Variants in KIAA1549L observed in about 807,000 individuals in gnomAD.
KIAA1549L encodes the protein UPF0606 protein KIAA1549L.
Under a neutral mutation model 160.7 loss-of-function variants are expected in KIAA1549L, and 88 were observed. That is an observed-to-expected ratio of 0.55 (90% CI 0.46 to 0.65). KIAA1549L has a LOEUF of 0.65. Ranked by LOEUF, KIAA1549L falls within the 30% of genes least tolerant of loss-of-function variation. The pLI, the probability that KIAA1549L is intolerant of heterozygous loss-of-function variation, is 0.00. For synonymous variants in KIAA1549L, 950 were observed against 976.7 expected, an observed-to-expected ratio of 0.97 and a Z score of 0.51; for missense variants, 2,258 against 2,437.5, an observed-to-expected ratio of 0.93 and a Z score of 1.55.
chr11:33,450,147 A>G (rs1158513379), intron 1 of KIAA1549L, among the ~76,000 whole-genome samples: 1 of 152,220 alleles, frequency 6.6e-6, no homozygotes, highest in Non-Finnish European at 1.5e-5. Flanking sequence ...AACCTCAAAT[A>G]CTTCTTTATC....
rs957681258 is a variant in KIAA1549L, at chr11:33,544,024, T to C, written c.2461T>C (p.Tyr821His). ...RDFQTAEVAY[Y>H]SPTTRHSVSH... The stretch of plus-strand genomic sequence containing the variant: ...CTTCCAAACAGCTGAAGTTGCATAT[T>C]ACTCACCCACAACTCGACATTCCGT... Residue 821 changes from tyrosine (Y) to histidine (H), a missense_variant, in exon 2 of 21, where the codon TAC (tyrosine) becomes CAC (histidine). Around this residue, in one of 6 missense-constraint regions of KIAA1549L, gnomAD observed 287 missense variants for 292.3 expected, o/e 0.98. Coordinates refer to ENST00000658780, the MANE Select transcript of KIAA1549L (RefSeq NM_012194.3). 5 of 1,613,878 alleles carry C rather than the reference T, an allele frequency of 3.1e-6. No homozygotes were observed. The South Asian group carries it at 4.4e-5, about 14-fold the overall frequency.
At chr11:33,428,312 T>C (rs75202859) in intron 1 of KIAA1549L, among the ~76,000 whole-genome samples, 1 of 152,028 alleles carries the variant, frequency 6.6e-6, no homozygotes, top group Non-Finnish European at 1.5e-5. Flanking sequence ...CCTGTTTTTT[T>C]AAAAATTATA....
Position 33,543,081 on chromosome 11 carries a change from T to A in KIAA1549L, c.1518T>A (p.Thr506=), listed in dbSNP as rs1854086559. 1 of 1,613,828 alleles carries A rather than the reference T, an allele frequency of 6.2e-7. No individual in the cohort carries two copies. The highest frequency in any genetic ancestry group is 1.1e-5 in the South Asian group (1 of 91,096). The change falls in exon 2 of 21, where the codon ACT becomes ACA. Residue 506 remains threonine, a synonymous_variant. Coordinates refer to ENST00000658780, the MANE Select transcript of KIAA1549L (RefSeq NM_012194.3). ...TGTADFPSIL[T]FLQPTENHAS... The stretch of plus-strand genomic sequence containing the variant: ...CAGCCGACTTTCCCTCCATACTTAC[T>A]TTCCTCCAGCCCACAGAGAATCATG...
intron 15 of KIAA1549L, among the ~76,000 whole-genome samples, chr11:33,610,295 A>C (rs957067013): frequency 6.6e-6 from 1 of 152,224 alleles, no homozygotes; most frequent in Non-Finnish European, 1.5e-5. Context: ...AGATCAAGGG[A>C]CATTGTATTG....
intron 1 of KIAA1549L, among the ~76,000 whole-genome samples, chr11:33,401,950 C>T (rs1256118213): frequency 6.6e-6 from 1 of 152,186 alleles, no homozygotes; most frequent in African/African-American, 2.4e-5. Context: ...GGAGGGTGCA[C>T]CCCACATAAG....
intron 1 of KIAA1549L, among the ~76,000 whole-genome samples, chr11:33,437,885 G>T (rs2132937985): frequency 6.6e-6 from 1 of 152,178 alleles, no homozygotes; most frequent in Admixed American, 6.5e-5. Flanking sequence ...CCTGTCAATG[G>T]CCCAGACCAG....
intron 1 of KIAA1549L, among the ~76,000 whole-genome samples, chr11:33,491,065 C>T (rs759166337): frequency 6.6e-6 from 1 of 152,240 alleles, no homozygotes; most frequent in Non-Finnish European, 1.5e-5. Context: ...GTCTCCTCAA[C>T]TAGACTCTGA....
At chr11:33,654,208 G>T (rs534476179) in intron 17 of KIAA1549L, among the ~76,000 whole-genome samples, 3 of 152,132 alleles carry the variant, frequency 2.0e-5, no homozygotes, top group African/African-American at 7.2e-5. Flanking sequence ...TTCTGACATC[G>T]TGATCTGCCC....
chr11:33,668,090 C>T lies in KIAA1549L; in HGVS notation c.6377C>T (p.Ala2126Val). Residue 2126 changes from alanine to valine, a missense_variant, in exon 21 of 21, where the codon GCC becomes GTC. Physicochemically the swap from Ala to Val is moderately conservative, Grantham distance 64. Transcript: ENST00000658780. ...ATCTCCACTGCGGCCCTTGTGAAGG[C>T]CATCCGGGAGGAGGTGGCCAAGCTG... ...TNISTAALVK[A>V]IREEVAKLAK... 1 of 1,613,994 alleles carries T rather than the reference C, an allele frequency of 6.2e-7. No homozygotes were observed. Among genetic ancestry groups the T allele is most frequent in the African/African-American group, 1.3e-5 (1 of 75,064 alleles).
intron 11 of KIAA1549L, among the ~76,000 whole-genome samples, chr11:33,590,765 A>C (rs373558126): frequency 6.6e-6 from 1 of 152,184 alleles, no homozygotes; most frequent in Non-Finnish European, 1.5e-5. Flanking sequence ...CAGATGAAAA[A>C]ATTGAGGTTC....
At chr11:33,612,448 G>A (rs546384403) in intron 15 of KIAA1549L, among the ~76,000 whole-genome samples, 1 of 152,226 alleles carries the variant, frequency 6.6e-6, no homozygotes, top group East Asian at 1.9e-4. Context: ...GTAGAGATGG[G>A]GTTTTGCCAT....
chr11:33,497,752 A>G (rs1199469987), intron 1 of KIAA1549L, among the ~76,000 whole-genome samples: 1 of 152,250 alleles, frequency 6.6e-6, no homozygotes, highest in Non-Finnish European at 1.5e-5. Context: ...TATTTACTTA[A>G]CCTTTCTTCA....
intron 1 of KIAA1549L, among the ~76,000 whole-genome samples, chr11:33,440,168 C>T (rs1428245787): frequency 2.8e-4 from 31 of 109,612 alleles, no homozygotes; most frequent in Admixed American, 2.3e-4. Flanking sequence ...CTCGCTCTGT[C>T]GCCCAGGCTG....
Position 33,671,105 on chromosome 11 carries a change from TAATA to T in KIAA1549L, c.*2956_*2959del, listed in dbSNP as rs776528108. The T allele has an allele frequency of 2.6e-5, 4 of 152,254 alleles. No individual in the cohort carries two copies. Among genetic ancestry groups the T allele is most frequent in the Non-Finnish European group, 5.9e-5 (4 of 68,044 alleles). 9.4% of individuals were successfully genotyped at this position (152,254 alleles called of 1,614,324 possible). On this transcript the variant is annotated 3_prime_UTR_variant, in exon 21 of 21. Transcript: ENST00000658780. ...TATAGAGGATGATGCATTTGTGGCA[TAATA>T]AATAGTTTTCAGTGCTGGTTTTGAT...
intron 1 of KIAA1549L, among the ~76,000 whole-genome samples, chr11:33,442,094 TGTATAAG>T (rs1306060062): frequency 6.6e-6 from 1 of 151,674 alleles, no homozygotes; most frequent in African/African-American, 2.4e-5. Flanking sequence ...AATTAATTTT[TGTATAAG>T]GTATAAGGAA....
At position 33,542,633 on chromosome 11, in the gene KIAA1549L, CT is replaced by C. The variant is rs1405817679; in HGVS notation, c.1071del (p.Pro359GlnfsTer71). On this transcript the variant is annotated frameshift_variant, in exon 2 of 21. Transcript: ENST00000658780. LOFTEE classifies it high-confidence loss of function. ...GCAGAACTGTCCCATCCGTCTCCCC[CT>C]CCCCCAGCACTTGGAAGTCTTCTTC... is the stretch of plus-strand genomic sequence containing the variant. ...PMAELSHPSP[P>X]PPALGSLLQL... 1.2e-6 allele frequency: 2 copies of C among 1,613,904 alleles called. No individual in the cohort carries two copies. Among genetic ancestry groups the C allele is most frequent in the Admixed American group, 3.3e-5 (2 of 60,018 alleles).
chr11:33,592,255 A>C (rs1189406704), intron 12 of KIAA1549L, among the ~76,000 whole-genome samples: 4 of 152,226 alleles, frequency 2.6e-5, no homozygotes, highest in Non-Finnish European at 5.9e-5. Context: ...TCTGACCTTT[A>C]TTATCTAGGC....
intron 20 of KIAA1549L, among the ~76,000 whole-genome samples, chr11:33,666,023 A>T (rs1852437990): frequency 6.6e-6 from 1 of 151,922 alleles, no homozygotes; most frequent in Non-Finnish European, 1.5e-5. Context: ...GTGGAGGGGG[A>T]AGGCCAGGTC....
At chr11:33,655,367 C>T (rs1289033709) in intron 17 of KIAA1549L, among the ~76,000 whole-genome samples, 1 of 152,170 alleles carries the variant, frequency 6.6e-6, no homozygotes, top group Non-Finnish European at 1.5e-5. Flanking sequence ...GCTGAAGGAC[C>T]TAAAGTTTGC....
Sources: gnomAD v4.1 joint callset for allele counts (sites outside exome capture counted in the v4.1 genomes callset) on GRCh38, gnomAD v4.1.1 for gene constraint, gnomAD v4.1.1 regional missense constraint, MANE v1.5 for transcripts, NCBI Gene and HGNC (gene_info 2026-07-23, HGNC 2026-07-21) for gene names.